TAFA1: variants seen among roughly 807,000 people sequenced by gnomAD.
TAFA1 encodes chemokine-like protein TAFA-1.
Under a neutral mutation model 18.5 loss-of-function variants are expected in TAFA1, and 4 were observed. The observed-to-expected ratio is 0.22, with a 90% CI of 0.11 to 0.49. The LOEUF is 0.49. Among genes scored for constraint, TAFA1 ranks in the 20% least tolerant of loss-of-function variants. The pLI is 0.98. For missense variants in TAFA1, 147 were observed against 169.0 expected (o/e 0.87, Z 0.72); for synonymous variants, 56 against 55.2 (o/e 1.01, Z -0.06).
At chr3:68,102,198 G>C (rs529731151) in intron 2 of TAFA1, among the ~76,000 whole-genome samples, 5 of 152,040 alleles carry the variant, frequency 3.3e-5, no homozygotes, top group Non-Finnish European at 5.9e-5. Context: ...AGGTAGAAAC[G>C]TCAATGTTGG....
intron 3 of TAFA1, among the ~76,000 whole-genome samples, chr3:68,442,351 G>A (rs2071399325): frequency 6.6e-6 from 1 of 152,016 alleles, no homozygotes; most frequent in Non-Finnish European, 1.5e-5. Flanking sequence ...TGCTTGCTCA[G>A]GTCTCTCTTC....
intron 4 of TAFA1, 100 bp downstream of exon 4, chr3:68,538,980 A>G (rs2073321054): frequency 1.4e-5 from 17 of 1,229,384 alleles, no homozygotes; most frequent in Non-Finnish European, 1.9e-5. Flanking sequence ...CACAGGAGAG[A>G]AGATTCTCCA....
intron 2 of TAFA1, among the ~76,000 whole-genome samples, chr3:68,160,453 G>A (rs1162551072): frequency 1.3e-5 from 2 of 152,160 alleles, no homozygotes; most frequent in Non-Finnish European, 2.9e-5. Flanking sequence ...AGAGCATAAT[G>A]GGCTTTGGAG....
chr3:68,130,677 T>C (rs1370966037), intron 2 of TAFA1, among the ~76,000 whole-genome samples: 1 of 152,090 alleles, frequency 6.6e-6, no homozygotes, highest in African/African-American at 2.4e-5. Flanking sequence ...CATCTTACGT[T>C]CCCCTCCTGC....
At chr3:68,459,790 G>A (rs566725821) in intron 3 of TAFA1, among the ~76,000 whole-genome samples, 1 of 152,274 alleles carries the variant, frequency 6.6e-6, no homozygotes, top group Non-Finnish European at 1.5e-5. Flanking sequence ...ATCATCCCCA[G>A]TGAAAGAAAA....
chr3:68,028,054 C>T (rs1049432980), intron 2 of TAFA1, among the ~76,000 whole-genome samples: 30 of 152,070 alleles, frequency 2.0e-4, no homozygotes, highest in African/African-American at 6.8e-4. Flanking sequence ...ATATGATGGA[C>T]TTGGGGAGGC....
intron 2 of TAFA1, among the ~76,000 whole-genome samples, chr3:68,257,057 C>T (rs1170152463): frequency 6.6e-6 from 1 of 152,102 alleles, no homozygotes; most frequent in Non-Finnish European, 1.5e-5. Flanking sequence ...TCTTCCCTCA[C>T]TCGTAACGCT....
intron 2 of TAFA1, among the ~76,000 whole-genome samples, chr3:68,029,516 T>C (rs1446333828): frequency 2.6e-5 from 4 of 152,194 alleles, no homozygotes; most frequent in Admixed American, 2.6e-4. Context: ...TTCTAAAATT[T>C]AAGTTAAATA....
intron 2 of TAFA1, among the ~76,000 whole-genome samples, chr3:68,294,566 A>C (rs1161816196): frequency 6.6e-6 from 1 of 152,206 alleles, no homozygotes; most frequent in African/African-American, 2.4e-5. Flanking sequence ...TCCATTTTTC[A>C]ATTTACATTT....
intron 3 of TAFA1, among the ~76,000 whole-genome samples, chr3:68,442,908 C>G (rs1172812861): frequency 6.6e-6 from 1 of 152,134 alleles, no homozygotes; most frequent in Non-Finnish European, 1.5e-5. Context: ...CCTCCACATT[C>G]TTGATTCAGT....
chr3:68,485,706 C>T lies in TAFA1; in HGVS notation c.260-53050C>T, dbSNP rs1191307831. Among the ~76,000 whole-genome samples, 3 of 152,078 alleles carry T rather than the reference C, an allele frequency of 2.0e-5. No homozygotes were observed. The East Asian group carries it at 5.8e-4, about 29-fold the overall frequency. Reference sequence around the variant, plus strand: ...ATTTATACCAATAGATGATTCAGACCCTCTCACTGGCTACTTGCCTGATGG... The same window carrying T: ...ATTTATACCAATAGATGATTCAGACTCTCTCACTGGCTACTTGCCTGATGG... On this transcript the variant is annotated intron_variant, in intron 3 of 4. Transcript: ENST00000478136.
intron 2 of TAFA1, among the ~76,000 whole-genome samples, chr3:68,071,700 A>C (rs1185995569): frequency 6.6e-6 from 1 of 152,134 alleles, no homozygotes; most frequent in Non-Finnish European, 1.5e-5. Flanking sequence ...GATAATTTTT[A>C]ACGAAAAAAG....
chr3:68,088,476 C>A (rs1457651265), intron 2 of TAFA1, among the ~76,000 whole-genome samples: 1 of 152,162 alleles, frequency 6.6e-6, no homozygotes, highest in Non-Finnish European at 1.5e-5. Flanking sequence ...AGCTACTTGA[C>A]CTTTGGAGGT....
intron 2 of TAFA1, among the ~76,000 whole-genome samples, chr3:68,251,197 G>A (rs1440895282): frequency 6.6e-6 from 1 of 152,170 alleles, no homozygotes; most frequent in Non-Finnish European, 1.5e-5. Flanking sequence ...GAGAGTGTGA[G>A]TGGTGACAAT....
At chr3:68,201,042 A>G (rs1400397912) in intron 2 of TAFA1, among the ~76,000 whole-genome samples, 1 of 151,652 alleles carries the variant, frequency 6.6e-6, no homozygotes, top group Non-Finnish European at 1.5e-5. Context: ...CTTTGACTGT[A>G]TTCCAACAAT....
At chr3:68,049,349 T>C (rs1404457855) in intron 2 of TAFA1, among the ~76,000 whole-genome samples, 1 of 152,100 alleles carries the variant, frequency 6.6e-6, no homozygotes, top group Non-Finnish European at 1.5e-5. Context: ...GCAGAATGAT[T>C]TCAGTGCCTC....
chr3:68,295,713 C>G (rs2068195883), intron 2 of TAFA1, among the ~76,000 whole-genome samples: 1 of 152,128 alleles, frequency 6.6e-6, no homozygotes, highest in African/African-American at 2.4e-5. Context: ...CACAAACAAT[C>G]CTTCTGCCTA....
chr3:68,084,802 A>G (rs188134003), intron 2 of TAFA1, among the ~76,000 whole-genome samples: 2,523 of 152,062 alleles, frequency 0.017, 73 homozygotes, highest in African/African-American at 0.058. Flanking sequence ...CGTCTAAAAA[A>G]AAAAAAAAAA....
chr3:68,540,221 C>T (rs1421062040), intron 4 of TAFA1, among the ~76,000 whole-genome samples: 1 of 152,108 alleles, frequency 6.6e-6, no homozygotes, highest in African/African-American at 2.4e-5. Context: ...TTTTGACCCC[C>T]TTGACCAGTA....
Sources: allele counts gnomAD v4.1 joint callset (sites outside exome capture counted in the v4.1 genomes callset), GRCh38; gene constraint gnomAD v4.1.1; transcripts MANE v1.5; gene names NCBI Gene and HGNC (gene_info 2026-07-23, HGNC 2026-07-21).